Variants in STRIP1 observed in about 807,000 individuals in gnomAD.
The protein encoded by STRIP1 is striatin interacting protein 1.
STRIP1 carries 63 observed loss-of-function variants against 106.2 expected under a neutral mutation model. That is an observed-to-expected ratio of 0.59 (90% CI 0.48 to 0.73). The LOEUF (loss-of-function observed/expected upper bound fraction) is 0.73. Among genes scored for constraint, STRIP1 ranks in the 30% least tolerant of loss-of-function variants. The pLI is 0.00. For synonymous variants in STRIP1, 390 were observed against 413.0 expected (o/e 0.94, Z 0.67); for missense variants, 857 against 1,074.8 (o/e 0.80, Z 2.83).
In STRIP1 at chr1:110,045,198, G is replaced by A. The variant is rs866312847; in HGVS notation, c.1416+120G>A. 3.6e-5 allele frequency: 30 copies of A among 827,286 alleles called. No homozygotes were observed. The East Asian group carries it at 4.2e-4, about 11-fold the overall frequency. 51.2% of individuals were successfully genotyped at this position (827,286 alleles called of 1,614,324 possible). On this transcript the variant is annotated intron_variant, in intron 12 of 20. Coordinates refer to ENST00000369795, the MANE Select transcript of STRIP1 (RefSeq NM_033088.4). The stretch of plus-strand genomic sequence containing the variant: ...CCTGCAAGAACCTGGGGTAGAGGCC[G>A]GGGTGGACTTTGCAATAACCTTGCA...
At chr1:110,051,086 G>GCTTGGAA in intron 19 of STRIP1, 26 bp downstream of exon 19, 1 of 1,480,062 alleles carries the variant, frequency 6.8e-7, no homozygotes, top group Non-Finnish European at 9.5e-7. Context: ...TAGTCAGCAG[G>GCTTGGAA]CTTGGAACTT....
rs1653427626 is a variant in STRIP1 at position 110,054,035 on chromosome 1, CT to C, written c.*125del. On this transcript the variant is annotated 3_prime_UTR_variant, in exon 21 of 21. Transcript: ENST00000369795. ...AGGTGGCAGCACAGCCCCACTGTGT[CT>C]TCCGCAGTCTGTCCTGGGCTTGGGT... The C allele has an allele frequency of 8.0e-7, 1 of 1,250,354 alleles. No homozygotes were observed. The highest frequency in any genetic ancestry group is 2.3e-5 in the East Asian group (1 of 42,922). The allele number at this position is 1,250,354 out of a possible 1,614,324, so 77.5% of individuals were successfully genotyped here. A position where few individuals can be genotyped will look rare whatever the true frequency, so the allele number is the denominator to read the frequency against.
At chr1:110,042,829 A>C in intron 8 of STRIP1, 1 of 406,388 alleles carries the variant, frequency 2.5e-6, no homozygotes, top group Non-Finnish European at 4.4e-6. Flanking sequence ...AGAGTATGTC[A>C]TAGGTGCAGA....
chr1:110,053,816 G>T lies in STRIP1; in HGVS notation c.2418G>T (p.Arg806=), dbSNP rs981478450. The T allele has an allele frequency of 3.1e-6, 5 of 1,614,030 alleles. No individual in the cohort carries two copies. In the African/African-American group the frequency reaches 6.7e-5, roughly 22 times the overall value. ...GCCTGCAGAGTGTCCTGGGCCAACG[G>T]GTGGACCTCCCTGAGGACTTTCAGA... ...DNCLQSVLGQ[R]VDLPEDFQMN... is the part of the protein sequence containing the mutation. The change falls in exon 21 of 21, where the codon CGG becomes CGT. Residue 806 remains arginine, a synonymous_variant. Transcript: ENST00000369795.
In STRIP1 at chr1:110,054,620, C is replaced by T. The variant is rs1260638835; in HGVS notation, c.*708C>T. 3.9e-5 allele frequency: 6 copies of T among 152,548 alleles called. No individual in the cohort carries two copies. Among genetic ancestry groups the T allele is most frequent in the African/African-American group, 9.7e-5 (4 of 41,416 alleles). 9.4% of individuals were successfully genotyped at this position (152,548 alleles called of 1,614,324 possible). A position where few individuals can be genotyped will look rare whatever the true frequency, so the allele number is the denominator to read the frequency against. On this transcript the variant is annotated 3_prime_UTR_variant, in exon 21 of 21. Coordinates refer to ENST00000369795, the MANE Select transcript of STRIP1 (RefSeq NM_033088.4). ...TTAATGTGATTGTGTATTCTGTTTA[C>T]ATTAAAAAGAAGCAAAAATAATTCC...
At chr1:110,032,306 T>C (rs868134661), upstream of STRIP1, among the ~76,000 whole-genome samples, 2 of 152,178 alleles carry the variant, frequency 1.3e-5, no homozygotes, top group South Asian at 2.1e-4. Context: ...TGGTTTTGGA[T>C]TAATTTATTA....
chr1:110,035,656 T>C (rs1042338052), intron 1 of STRIP1, among the ~76,000 whole-genome samples: 3 of 152,106 alleles, frequency 2.0e-5, no homozygotes, highest in African/African-American at 7.2e-5. Context: ...TTAGGGCTTC[T>C]TAATGAGCAG....
At position 110,036,065 on chromosome 1, in the gene STRIP1, C is replaced by T. The variant is rs900186181; in HGVS notation, c.180+1248C>T. On this transcript the variant is annotated intron_variant, in intron 1 of 20. Coordinates refer to ENST00000369795, the MANE Select transcript of STRIP1 (RefSeq NM_033088.4). ...CTACCTTCATCATGAGAGGAGTTAT[C>T]ATTTTGAAAAATGGTTTAAAATTTT... Among the ~76,000 whole-genome samples the T allele has an allele frequency of 5.3e-5, 8 of 152,180 alleles. No individual in the cohort carries two copies. The South Asian group carries it at 1.4e-3, about 28-fold the overall frequency.
chr1:110,050,915 T>C, intron 18 of STRIP1, 41 bp from the exon 19 acceptor site: 1 of 1,170,960 alleles, frequency 8.5e-7, no homozygotes, highest in Non-Finnish European at 1.3e-6. Context: ...CTGCACACAC[T>C]GCAGCCATGA....
Position 110,053,900 on chromosome 1 carries a change from G to C in STRIP1, c.2502G>C (p.Glu834Asp). 1 of 1,614,110 alleles carries C rather than the reference G, an allele frequency of 6.2e-7. No homozygotes were observed. The highest frequency in any genetic ancestry group is 1.1e-5 in the South Asian group (1 of 91,086). The change falls in exon 21 of 21, where the codon GAG becomes GAC. Residue 834 changes from glutamate to aspartate, a missense_variant. Physicochemically the swap from Glu to Asp is conservative, Grantham distance 45. This residue lies in a region of STRIP1 where 750 missense variants were observed against 989.8 expected (regional missense o/e 0.76). Transcript: ENST00000369795. ...TCTCCAAGCCCATTTCCTGGGAAGA[G>C]CTGCTGCAGTGAGGCTGTTGGTTAG... is the stretch of plus-strand genomic sequence containing the variant. ...EVFSKPISWEELLQ is the reference protein window; with the variant it reads ...EVFSKPISWEDLLQ
intron 12 of STRIP1, among the ~76,000 whole-genome samples, chr1:110,045,715 A>G (rs772724465): frequency 1.8e-4 from 27 of 152,142 alleles, no homozygotes; most frequent in Non-Finnish European, 3.4e-4. Flanking sequence ...AGAGTTACCT[A>G]CCAGTCCCAG....
Position 110,040,019 on chromosome 1 carries a change from T to C in STRIP1, c.581+504T>C, listed in dbSNP as rs1044085549. ...TTGAGTGCCTGTGTGTCCCGGGCATTGTTCTCAGAATATTACATGTGCTAA... is the reference window on the plus strand; with the variant it reads ...TTGAGTGCCTGTGTGTCCCGGGCATCGTTCTCAGAATATTACATGTGCTAA... On this transcript the variant is annotated intron_variant, in intron 5 of 20. Transcript: ENST00000369795. 1.6e-5 allele frequency: 11 copies of C among 668,802 alleles called. No homozygotes were observed. In the African/African-American group the frequency reaches 1.7e-4, roughly 10 times the overall value. The allele number at this position is 668,802 out of a possible 1,614,324, so 41.4% of individuals were successfully genotyped here. A position where few individuals can be genotyped will look rare whatever the true frequency, so the allele number is the denominator to read the frequency against.
chr1:110,037,965 C>T lies in STRIP1; in HGVS notation c.250+5C>T, dbSNP rs199767580. ...AGTGGGCTGCAGAGCTCTCGGGTAA[C>T]GCACAGACCTTTGTGTTATTTGGGG... On this transcript the variant is annotated splice_donor_5th_base_variant and intron_variant, in intron 2 of 20. Coordinates refer to ENST00000369795, the MANE Select transcript of STRIP1 (RefSeq NM_033088.4). 1.4e-4 allele frequency: 225 copies of T among 1,602,242 alleles called. 1 individual carries two copies. In the Middle Eastern group the frequency reaches 2.3e-3, roughly 17 times the overall value.
At position 110,045,042 on chromosome 1, in the gene STRIP1, C is replaced by G; in HGVS notation, c.1380C>G (p.Pro460=). ...GSDTNTVVGL[P]RPIHESIKTL... The stretch of plus-strand genomic sequence containing the variant: ...ACACGAACACAGTGGTGGGGCTGCC[C>G]AGGCCAATCCACGAAAGCATCAAGA... Residue 460 remains proline (P), a synonymous_variant, in exon 12 of 21, where the codon CCC becomes CCG. Coordinates refer to ENST00000369795, the MANE Select transcript of STRIP1 (RefSeq NM_033088.4). 6.2e-7 allele frequency: 1 copy of G among 1,614,068 alleles called. No homozygotes were observed. The highest frequency in any genetic ancestry group is 8.5e-7 in the Non-Finnish European group (1 of 1,180,016).
upstream of STRIP1, among the ~76,000 whole-genome samples, chr1:110,031,899 ATT>A (rs201513805): frequency 1.7e-4 from 23 of 132,346 alleles, no homozygotes; most frequent in Middle Eastern, 3.7e-3. Flanking sequence ...TTTTAATTTG[ATT>A]TTTTTTTTTT....
At chr1:110,047,895 A>T in intron 15 of STRIP1, 26 bp downstream of exon 15, 1 of 1,529,008 alleles carries the variant, frequency 6.5e-7, no homozygotes, top group East Asian at 2.4e-5. Flanking sequence ...TGAATGAAGC[A>T]GGTGGGGCAG....
At chr1:110,044,281 C>T (rs1053783132) in intron 10 of STRIP1, among the ~76,000 whole-genome samples, 69 of 152,232 alleles carry the variant, frequency 4.5e-4, no homozygotes, top group Non-Finnish European at 2.5e-4. Flanking sequence ...ATGGATGGGA[C>T]GGTACCTGGA....
chr1:110,041,362 C>T, intron 6 of STRIP1, 174 bp from the exon 7 acceptor site: 4 of 554,286 alleles, frequency 7.2e-6, no homozygotes, highest in Non-Finnish European at 9.7e-6. Context: ...TGGTTTTTTT[C>T]TTTTCAGGAA....
At chr1:110,041,054 T>C in intron 6 of STRIP1, 5 of 221,438 alleles carry the variant, frequency 2.3e-5, no homozygotes, top group Non-Finnish European at 4.5e-5. Flanking sequence ...TGTACACAGC[T>C]TGATGCTCAT....
Sources: gnomAD v4.1 joint callset for allele counts (sites outside exome capture counted in the v4.1 genomes callset) on GRCh38, gnomAD v4.1.1 for gene constraint, gnomAD v4.1.1 regional missense constraint, MANE v1.5 for transcripts, NCBI Gene and HGNC (gene_info 2026-07-23, HGNC 2026-07-21) for gene names.